The following ARTN variants were observed in gnomAD, a reference collection of about 807,000 sequenced individuals.
ARTN encodes the protein artemin.
ARTN carries 9 observed loss-of-function variants against 15.4 expected under a neutral mutation model. The ratio of observed to expected loss-of-function variants is 0.58; its 90% confidence interval spans 0.35 to 1.02. The LOEUF (loss-of-function observed/expected upper bound fraction) is 1.02, where lower values mean the gene tolerates loss of function less well. ARTN is among the 50% of genes least tolerant of loss of function. The pLI is 0.02. For synonymous variants in ARTN, 163 were observed against 155.8 expected (o/e 1.05, Z -0.35); for missense variants, 284 against 327.9 (o/e 0.87, Z 1.03).
intron 3 of ARTN, 21 bp downstream of exon 3, chr1:43,935,737 C>T (rs2085084423): frequency 1.9e-6 from 3 of 1,603,332 alleles, no homozygotes; most frequent in South Asian, 2.2e-5. Flanking sequence ...CTCCCAGTGA[C>T]TCCTACCTGG....
At position 43,935,080 on chromosome 1, in the gene ARTN, G is replaced by C. The variant is rs146825571; in HGVS notation, c.-67-510G>C. ...CAGAACACAGTTCACAGAGGGGCGA[G>C]GTGAAGCAGCTCTGGGTGGGCAGCA... On this transcript the variant is annotated intron_variant, in intron 2 of 4. Coordinates refer to ENST00000372359, the MANE Select transcript of ARTN (RefSeq NM_057091.3). 1.3e-4 allele frequency among the ~76,000 whole-genome samples: 20 copies of C among 152,344 alleles called. No individual in the cohort carries two copies. In the East Asian group the frequency reaches 3.9e-3, roughly 29 times the overall value.
chr1:43,935,367 T>C, intron 2 of ARTN: 1 of 428,520 alleles, frequency 2.3e-6, no homozygotes, highest in South Asian at 2.8e-5. Context: ...ACCTCTGAGC[T>C]TCTCTGAGCC....
Position 43,935,608 on chromosome 1 carries a change from G to A in ARTN, c.-49G>A, listed in dbSNP as rs1230679194. 2.5e-6 allele frequency: 4 copies of A among 1,591,358 alleles called. No individual in the cohort carries two copies. The highest frequency in any genetic ancestry group is 2.3e-5 in the South Asian group (2 of 88,662). On this transcript the variant is annotated 5_prime_UTR_variant, in exon 3 of 5. Coordinates refer to ENST00000372359, the MANE Select transcript of ARTN (RefSeq NM_057091.3). ...TTGCAAGCTGCCTCAACAGGAGGGT[G>A]GGGGAACAGCTCAACAATGGCTGAT...
chr1:43,935,983 T>TGCCC (rs2085087610), intron 3 of ARTN, 110 bp from the exon 4 acceptor site: 2 of 1,471,016 alleles, frequency 1.4e-6, no homozygotes, highest in Non-Finnish European at 9.5e-7. Flanking sequence ...TAGGAGCCCA[T>TGCCC]GCCCGGCCTG....
At position 43,936,223 on chromosome 1, in the gene ARTN, A is replaced by C; in HGVS notation, c.191A>C (p.His64Pro). ...CCTGTCCTGGCGTCCCCCGCCGGCC[A>C]CCTGCCGGGTAGGTGAGAGGGCGAG... ...PPPVLASPAG[H>P]LPGGRTARWC... The change falls in exon 4 of 5, where the codon CAC becomes CCC. Residue 64 changes from histidine to proline, a missense_variant. Physicochemically the swap from His to Pro is moderately conservative, Grantham distance 77 (BLOSUM62 -2). Coordinates refer to ENST00000372359, the MANE Select transcript of ARTN (RefSeq NM_057091.3). This position sits in a 1 kb window ranked among gnomAD's most constrained non-coding sequence, Gnocchi z 6.6. The C allele has an allele frequency of 6.8e-7, 1 of 1,475,200 alleles. No homozygotes were observed. The highest frequency in any genetic ancestry group is 8.9e-7 in the Non-Finnish European group (1 of 1,121,936). 91.4% of individuals were successfully genotyped at this position (1,475,200 alleles called of 1,614,324 possible).
Position 43,936,303 on chromosome 1 carries a change from G to A in ARTN, c.201G>A (p.Gly67=), listed in dbSNP as rs1299606276. ...GCGCGTGACTGGGTCTCATTCCAGG[G>A]GGACGCACGGCCCGCTGGTGCAGTG... The part of the protein sequence containing the change: ...VLASPAGHLP[G]GRTARWCSGR... Residue 67 remains glycine (G), a splice_region_variant and synonymous_variant, in exon 5 of 5, where the codon GGG becomes GGA. Coordinates refer to ENST00000372359, the MANE Select transcript of ARTN (RefSeq NM_057091.3). This position sits in a 1 kb window ranked among gnomAD's most constrained non-coding sequence, Gnocchi z 6.6. 1.1e-5 allele frequency: 15 copies of A among 1,368,440 alleles called. No homozygotes were observed. Among genetic ancestry groups the A allele is most frequent in the Non-Finnish European group, 1.3e-5 (14 of 1,070,658 alleles). The allele number at this position is 1,368,440 out of a possible 1,614,324, so 84.8% of individuals were successfully genotyped here.
rs115571163 is a variant in ARTN at position 43,936,294 on chromosome 1, C to T, written c.200-8C>T. 0.041 allele frequency: 57,151 copies of T among 1,378,064 alleles called. 1,407 individuals carry two copies. The highest frequency in any genetic ancestry group is 0.14 in the East Asian group (4,638 of 33,268). 85.4% of individuals were successfully genotyped at this position (1,378,064 alleles called of 1,614,324 possible). A position where few individuals can be genotyped will look rare whatever the true frequency, so the allele number is the denominator to read the frequency against. On this transcript the variant is annotated splice_region_variant and splice_polypyrimidine_tract_variant and intron_variant, in intron 4 of 4. Coordinates refer to ENST00000372359, the MANE Select transcript of ARTN (RefSeq NM_057091.3). This position sits in a 1 kb window ranked among gnomAD's most constrained non-coding sequence, Gnocchi z 6.6. ...CGGGACACCGCGCGTGACTGGGTCT[C>T]ATTCCAGGGGGACGCACGGCCCGCT...
Position 43,936,345 on chromosome 1 carries a change from G to GCCGCCGCAGCCTTCTCGGCCCGCGCCC in ARTN, c.251_277dup (p.Gln84_Pro92dup). On this transcript the variant is annotated inframe_insertion, in exon 5 of 5. Transcript: ENST00000372359. The surrounding 1 kb of genome is among the most constrained non-coding windows in gnomAD (Gnocchi z 6.6). Reference sequence around the variant, plus strand: ...GGTGCAGTGGAAGAGCCCGGCGGCCGCCGCCGCAGCCTTCTCGGCCCGCGC... The same window carrying GCCGCCGCAGCCTTCTCGGCCCGCGCCC: ...GGTGCAGTGGAAGAGCCCGGCGGCCGCCGCCGCAGCCTTCTCGGCCCGCGCCCCCGCCGCAGCCTTCTCGGCCCGCGC... The GCCGCCGCAGCCTTCTCGGCCCGCGCCC allele has an allele frequency of 7.6e-7, 1 of 1,321,636 alleles. No homozygotes were observed. Among genetic ancestry groups the GCCGCCGCAGCCTTCTCGGCCCGCGCCC allele is most frequent in the Non-Finnish European group, 9.6e-7 (1 of 1,041,886 alleles). 81.9% of individuals were successfully genotyped at this position (1,321,636 alleles called of 1,614,324 possible).
At chr1:43,934,736 T>C (rs2085073377) in intron 2 of ARTN, among the ~76,000 whole-genome samples, 1 of 152,134 alleles carries the variant, frequency 6.6e-6, no homozygotes, top group African/African-American at 2.4e-5. Flanking sequence ...ATGACTAGGC[T>C]GCCAGATCCA....
intron 2 of ARTN, chr1:43,935,283 C>T (rs1053125518): frequency 1.2e-5 from 3 of 257,850 alleles, no homozygotes; most frequent in Non-Finnish European, 1.5e-5. Flanking sequence ...AGACCTACAA[C>T]GCAGAGCAGG....
chr1:43,935,558 C>A, intron 2 of ARTN, 32 bp from the exon 3 acceptor site: 1 of 1,306,736 alleles, frequency 7.7e-7, no homozygotes, highest in Non-Finnish European at 1.1e-6. Flanking sequence ...GCCGGTCCCC[C>A]ACAAAAGATA....
At chr1:43,935,750 C>T (rs760435671) in intron 3 of ARTN, 34 bp downstream of exon 3, 23 of 1,586,968 alleles carry the variant, frequency 1.4e-5, no homozygotes, top group Admixed American at 1.4e-4. Context: ...CTACCTGGTA[C>T]TGAGGAAAGG....
chr1:43,936,120 C>G lies in ARTN; in HGVS notation c.88C>G (p.Leu30Val), dbSNP rs1212805420. 1 of 1,607,564 alleles carries G rather than the reference C, an allele frequency of 6.2e-7. No individual in the cohort carries two copies. Among genetic ancestry groups the G allele is most frequent in the South Asian group, 1.1e-5 (1 of 90,790 alleles). ...QPALWPTLAA[L>V]ALLSSVAEAS... ...TGCCCTGTGGCCCACCCTGGCCGCT[C>G]TGGCTCTGCTGAGCAGCGTCGCAGA... is the stretch of plus-strand genomic sequence containing the variant. The change falls in exon 4 of 5, where the codon CTG becomes GTG. Residue 30 changes from leucine (L) to valine (V), a missense_variant. Coordinates refer to ENST00000372359, the MANE Select transcript of ARTN (RefSeq NM_057091.3). The surrounding 1 kb of genome is among the most constrained non-coding windows in gnomAD (Gnocchi z 6.6).
chr1:43,935,695 C>G lies in ARTN; in HGVS notation c.39C>G (p.His13Gln). Residue 13 changes from histidine to glutamine, a missense_variant, in exon 3 of 5, where the codon CAC becomes CAG. Transcript: ENST00000372359. ...TTGGAGGCCTCTCCACGCTGTCCCA[C>G]TGCCCCTGGCCTAGGCAGCAGGTGA... is the stretch of plus-strand genomic sequence containing the variant. ...LGLGGLSTLS[H>Q]CPWPRQQPAL... 6.2e-7 allele frequency: 1 copy of G among 1,613,436 alleles called. No individual in the cohort carries two copies. The highest frequency in any genetic ancestry group is 1.1e-5 in the South Asian group (1 of 90,918).
In ARTN at chr1:43,933,862, C is replaced by T. The variant is rs1189366524; in HGVS notation, c.-240C>T. 6.6e-5 allele frequency: 10 copies of T among 152,412 alleles called. No homozygotes were observed. The highest frequency in any genetic ancestry group is 2.4e-4 in the African/African-American group (10 of 41,460). 9.4% of individuals were successfully genotyped at this position (152,412 alleles called of 1,614,324 possible). A position where few individuals can be genotyped will look rare whatever the true frequency, so the allele number is the denominator to read the frequency against. On this transcript the variant is annotated 5_prime_UTR_variant, in exon 1 of 5. Coordinates refer to ENST00000372359, the MANE Select transcript of ARTN (RefSeq NM_057091.3). The stretch of plus-strand genomic sequence containing the variant: ...TCGGGCCCCAGCCCTCGCTGCCACC[C>T]GGGCCTGGAGCCCCACACCCGAGGT...
chr1:43,937,067 C>G lies in ARTN; in HGVS notation c.*302C>G. The G allele has an allele frequency of 3.4e-6, 1 of 290,192 alleles. No homozygotes were observed. Among genetic ancestry groups the G allele is most frequent in the South Asian group, 1.5e-4 (1 of 6,556 alleles). 18.0% of individuals were successfully genotyped at this position (290,192 alleles called of 1,614,324 possible). On this transcript the variant is annotated 3_prime_UTR_variant, in exon 5 of 5. Transcript: ENST00000372359. ...TGGCCAGGCCTCGAACCTGGGACCCCTCCTCTGATGAACACTACAGTGGCT... is the reference window on the plus strand; with the variant it reads ...TGGCCAGGCCTCGAACCTGGGACCCGTCCTCTGATGAACACTACAGTGGCT...
chr1:43,936,085 C>G lies in ARTN; in HGVS notation c.61-8C>G. ...CTCCCTGAGGCTCCACTTGGTCTCT[C>G]CGCGCAGCCTGCCCTGTGGCCCACC... On this transcript the variant is annotated splice_region_variant and splice_polypyrimidine_tract_variant and intron_variant, in intron 3 of 4. Coordinates refer to ENST00000372359, the MANE Select transcript of ARTN (RefSeq NM_057091.3). This position sits in a 1 kb window ranked among gnomAD's most constrained non-coding sequence, Gnocchi z 6.6. 1 of 1,612,748 alleles carries G rather than the reference C, an allele frequency of 6.2e-7. No individual in the cohort carries two copies. Among genetic ancestry groups the G allele is most frequent in the South Asian group, 1.1e-5 (1 of 91,020 alleles).
chr1:43,936,744 C>T lies in ARTN; in HGVS notation c.642C>T (p.Thr214=). The change falls in exon 5 of 5, where the codon ACC becomes ACT. Residue 214 remains threonine (T), a synonymous_variant. Coordinates refer to ENST00000372359, the MANE Select transcript of ARTN (RefSeq NM_057091.3). This position sits in a 1 kb window ranked among gnomAD's most constrained non-coding sequence, Gnocchi z 6.6. ...TWRTVDRLSA[T]ACGCLG ...GAACCGTGGACCGCCTCTCCGCCAC[C>T]GCCTGCGGCTGCCTGGGCTGAGGGC... 10 of 1,516,136 alleles carry T rather than the reference C, an allele frequency of 6.6e-6. No homozygotes were observed. The highest frequency in any genetic ancestry group is 8.9e-6 in the Non-Finnish European group (10 of 1,125,006). The allele number at this position is 1,516,136 out of a possible 1,614,324, so 93.9% of individuals were successfully genotyped here.
intron 2 of ARTN, 108 bp from the exon 3 acceptor site, chr1:43,935,466 GTTCCCAGTGCAGCTAC>G (rs2085080105): frequency 1.6e-6 from 1 of 607,700 alleles, no homozygotes; most frequent in Non-Finnish European, 2.9e-6. Context: ...ACATAGTAAG[GTTCCCAGTGCAGCTAC>G]TTCTGCTGGG....
Sources: gnomAD v4.1 joint callset for allele counts (sites outside exome capture counted in the v4.1 genomes callset) on GRCh38, gnomAD v4.1.1 for gene constraint, Gnocchi (gnomAD v3.1) non-coding constraint, MANE v1.5 for transcripts, NCBI Gene and HGNC (gene_info 2026-07-23, HGNC 2026-07-21) for gene names.